The following CNTNAP2 variants were observed in gnomAD, a reference collection of about 807,000 sequenced individuals.
CNTNAP2 encodes the protein contactin associated protein 2.
In CNTNAP2, 98 loss-of-function variants were observed where a neutral mutation model predicts 155.2. The observed-to-expected ratio is 0.63, with a 90% confidence interval of 0.54 to 0.75. The LOEUF (loss-of-function observed/expected upper bound fraction) is 0.75. CNTNAP2 is among the 30% of genes least tolerant of loss of function. The pLI, the probability that CNTNAP2 is intolerant of heterozygous loss-of-function variation, is 0.00. For synonymous variants in CNTNAP2, 651 were observed against 631.2 expected (o/e 1.03, Z -0.47); for missense variants, 1,727 against 1,688.1 (o/e 1.02, Z -0.40).
At chr7:147,850,167 A>G (rs998025947) in intron 13 of CNTNAP2, among the ~76,000 whole-genome samples, 1 of 151,778 alleles carries the variant, frequency 6.6e-6, no homozygotes, top group African/African-American at 2.4e-5. Flanking sequence ...AAAATAATAA[A>G]TGCTTCAAAG....
chr7:146,905,859 G>GCCAT (rs1796110717), intron 3 of CNTNAP2, among the ~76,000 whole-genome samples: 2 of 152,192 alleles, frequency 1.3e-5, no homozygotes, highest in African/African-American at 4.8e-5. Flanking sequence ...GCAGAAGATG[G>GCCAT]GTGATTTCTG....
chr7:147,836,337 A>G (rs1798634496), intron 13 of CNTNAP2, among the ~76,000 whole-genome samples: 1 of 152,048 alleles, frequency 6.6e-6, no homozygotes, highest in South Asian at 2.1e-4. Context: ...GTGTCCTCCC[A>G]GCCTTCCCCT....
intron 1 of CNTNAP2, among the ~76,000 whole-genome samples, chr7:146,180,598 C>T (rs1798535978): frequency 6.6e-6 from 1 of 152,084 alleles, no homozygotes; most frequent in East Asian, 1.9e-4. Context: ...TGCTGAGGAG[C>T]TCTCTCCCAC....
At chr7:148,360,521 ACTT>A (rs1376272838) in intron 21 of CNTNAP2, among the ~76,000 whole-genome samples, 1 of 152,200 alleles carries the variant, frequency 6.6e-6, no homozygotes, top group East Asian at 1.9e-4. Context: ...TGTGCGATCA[ACTT>A]CTTTGTAAGA....
At chr7:147,083,863 G>A (rs1370909708) in intron 4 of CNTNAP2, among the ~76,000 whole-genome samples, 1 of 138,732 alleles carries the variant, frequency 7.2e-6, no homozygotes, top group Non-Finnish European at 1.5e-5. Flanking sequence ...ATATACACAT[G>A]TATGTACATA....
intron 3 of CNTNAP2, among the ~76,000 whole-genome samples, chr7:146,849,719 A>T (rs1265712751): frequency 6.6e-6 from 1 of 152,224 alleles, no homozygotes; most frequent in African/African-American, 2.4e-5. Context: ...GTCTCTTCTT[A>T]TCGTCCTCTT....
intron 11 of CNTNAP2, among the ~76,000 whole-genome samples, chr7:147,544,585 A>G (rs1562989637): frequency 1.3e-5 from 2 of 151,924 alleles, no homozygotes; most frequent in Middle Eastern, 3.2e-3. Context: ...CATGACTTTC[A>G]TGGGCCCTAG....
At chr7:148,288,289 C>T (rs1009724076) in intron 21 of CNTNAP2, among the ~76,000 whole-genome samples, 4 of 146,108 alleles carry the variant, frequency 2.7e-5, no homozygotes, top group East Asian at 2.1e-4. Context: ...TTAGTAGAGG[C>T]GGGGTTTCAC....
intron 8 of CNTNAP2, among the ~76,000 whole-genome samples, chr7:147,189,991 G>A (rs564786352): frequency 9.2e-5 from 14 of 152,118 alleles, no homozygotes; most frequent in African/African-American, 2.2e-4. Context: ...TGATCCACCC[G>A]CCTCGGCCTC....
intron 1 of CNTNAP2, among the ~76,000 whole-genome samples, chr7:146,682,129 C>A (rs1800515290): frequency 6.6e-6 from 1 of 152,066 alleles, no homozygotes; most frequent in South Asian, 2.1e-4. Context: ...AAGTAAATTT[C>A]ACATCTATCA....
intron 15 of CNTNAP2, among the ~76,000 whole-genome samples, chr7:148,012,941 T>C (rs750042430): frequency 6.6e-6 from 1 of 152,204 alleles, no homozygotes; most frequent in African/African-American, 2.4e-5. Flanking sequence ...TTTAATTTTC[T>C]AGCTTTCAAA....
In CNTNAP2 at chr7:146,464,526, G is replaced by T. The variant is rs576453095; in HGVS notation, c.98-309745G>T. ...CATAAAACCCATTAGAGGTGTAGAT[G>T]GGAAAGATACTTTTTGAAGTAGTAA... On this transcript the variant is annotated intron_variant, in intron 1 of 23. Transcript: ENST00000361727. 1.7e-4 allele frequency among the ~76,000 whole-genome samples: 26 copies of T among 151,444 alleles called. 1 individual carries two copies. The South Asian group carries it at 3.4e-3, about 20-fold the overall frequency.
chr7:146,198,803 T>C (rs1326968005), intron 1 of CNTNAP2, among the ~76,000 whole-genome samples: 1 of 152,140 alleles, frequency 6.6e-6, no homozygotes, highest in African/African-American at 2.4e-5. Context: ...TCATTGGTGC[T>C]ATATGTGAAT....
chr7:146,537,092 T>G (rs1364092825), intron 1 of CNTNAP2, among the ~76,000 whole-genome samples: 2 of 152,114 alleles, frequency 1.3e-5, no homozygotes, highest in Non-Finnish European at 2.9e-5. Flanking sequence ...ATCAACAATT[T>G]ATAGTGCTAG....
chr7:147,444,473 T>C (rs921590475), intron 10 of CNTNAP2, among the ~76,000 whole-genome samples: 2 of 151,978 alleles, frequency 1.3e-5, no homozygotes, highest in Non-Finnish European at 2.9e-5. Flanking sequence ...AAGAAAAATT[T>C]TGTTTGCTTT....
At chr7:147,073,223 T>A (rs528492472) in intron 4 of CNTNAP2, among the ~76,000 whole-genome samples, 3 of 122,978 alleles carry the variant, frequency 2.4e-5, no homozygotes, top group African/African-American at 1.7e-4. Flanking sequence ...CAAAATACTA[T>A]GTAGCCATAA....
Position 146,358,451 on chromosome 7 carries a change from C to G in CNTNAP2, c.97+241478C>G, listed in dbSNP as rs554971626. Among the ~76,000 whole-genome samples the G allele has an allele frequency of 6.6e-5, 10 of 152,280 alleles. No individual in the cohort carries two copies. The East Asian group carries it at 1.9e-3, about 30-fold the overall frequency. On this transcript the variant is annotated intron_variant, in intron 1 of 23. Coordinates refer to ENST00000361727, the MANE Select transcript of CNTNAP2 (RefSeq NM_014141.6). The stretch of plus-strand genomic sequence containing the variant: ...ATTTTCCTGGACTGTAGACTTTAGT[C>G]TATAGTCCTCAAGAAAACTTCTAAA...
intron 13 of CNTNAP2, among the ~76,000 whole-genome samples, chr7:147,779,077 ATC>A (rs370128327): frequency 1.3e-5 from 2 of 152,298 alleles, no homozygotes; most frequent in African/African-American, 4.8e-5. Context: ...TTAGCATGCA[ATC>A]TTTTTTTTTG....
At chr7:146,163,128 C>T (rs1040894223) in intron 1 of CNTNAP2, among the ~76,000 whole-genome samples, 14 of 151,934 alleles carry the variant, frequency 9.2e-5, no homozygotes, top group African/African-American at 3.4e-4. Context: ...GCACGTTGTG[C>T]ACATGTACCC....
Sources: gnomAD v4.1 joint callset for allele counts (sites outside exome capture counted in the v4.1 genomes callset) on GRCh38, gnomAD v4.1.1 for gene constraint, MANE v1.5 for transcripts, NCBI Gene and HGNC (gene_info 2026-07-23, HGNC 2026-07-21) for gene names.